MXRA7: variants seen among roughly 807,000 people sequenced by gnomAD.
The protein encoded by MXRA7 is matrix remodeling associated 7, also known as matrix-remodeling-associated protein 7.
A neutral mutation model predicts 17.4 loss-of-function variants in MXRA7; 18 were observed. The ratio of observed to expected loss-of-function variants is 1.03; its 90% CI spans 0.71 to 1.53. The LOEUF (loss-of-function observed/expected upper bound fraction) is 1.53. MXRA7 is among the 40% of genes most tolerant of loss of function. The pLI, the probability that MXRA7 is intolerant of heterozygous loss-of-function variation, is 0.00. For missense variants in MXRA7, 141 were observed against 209.3 expected (o/e 0.67, Z 2.01); for synonymous variants, 70 against 101.7 (o/e 0.69, Z 1.87).
At chr17:76,678,108 C>T (rs754712303), downstream of MXRA7, among the ~76,000 whole-genome samples, 4 of 151,988 alleles carry the variant, frequency 2.6e-5, no homozygotes, top group African/African-American at 4.8e-5. Flanking sequence ...AAACAGCCTT[C>T]GTTGAGAGGA....
At chr17:76,705,432 A>C (rs1440876506) in intron 1 of MXRA7, among the ~76,000 whole-genome samples, 1 of 152,154 alleles carries the variant, frequency 6.6e-6, no homozygotes, top group East Asian at 1.9e-4. Context: ...TTTCATACTA[A>C]TTTGCTAATG....
chr17:76,685,125 C>T lies in MXRA7; in HGVS notation c.447G>A (p.Arg149=). ...TCATCATCTTCTTGTACTGGTTTCC[C>T]CTCAGCTTCCCGGGGCTGTATTTGA... is the stretch of plus-strand genomic sequence containing the variant. ...FSFKYSPGKL[R]GNQYKKMMTK... The change falls in exon 3 of 4, where the codon AGG becomes AGA. Residue 149 remains arginine, a synonymous_variant. Transcript: ENST00000449428. 6.2e-7 allele frequency: 1 copy of T among 1,614,054 alleles called. No individual in the cohort carries two copies. Among genetic ancestry groups the T allele is most frequent in the Non-Finnish European group, 8.5e-7 (1 of 1,179,996 alleles).
At chr17:76,677,577 G>T (rs376761674), downstream of MXRA7, 1 of 1,594,488 alleles carries the variant, frequency 6.3e-7, no homozygotes, top group Non-Finnish European at 8.6e-7. Context: ...TGTGCATCCC[G>T]TGGGCGCAGT....
At chr17:76,695,464 A>G (rs999627065) in intron 1 of MXRA7, among the ~76,000 whole-genome samples, 1 of 152,052 alleles carries the variant, frequency 6.6e-6, no homozygotes, top group African/African-American at 2.4e-5. Flanking sequence ...GAGAGCTGGC[A>G]CTAAGGATTT....
chr17:76,674,936 G>A (rs1390871150), downstream of MXRA7: 2 of 152,224 alleles, frequency 1.3e-5, no homozygotes, highest in Non-Finnish European at 2.9e-5. Flanking sequence ...CCACCATGAG[G>A]AGAGCTAGTC....
At chr17:76,673,993 G>A (rs1235335918) in exon 4 of MXRA7, 1 of 152,322 alleles carries the variant, frequency 6.6e-6, no homozygotes, top group African/African-American at 2.4e-5. Flanking sequence ...TGCTATTTGT[G>A]TCATGTAGGC....
intron 2 of MXRA7, among the ~76,000 whole-genome samples, chr17:76,687,044 G>C (rs932440943): frequency 1.3e-5 from 2 of 152,224 alleles, no homozygotes; most frequent in African/African-American, 4.8e-5. Context: ...TCCCTCCCGT[G>C]TCCCCAAGTC....
chr17:76,684,086 C>T (rs113035134), intron 3 of MXRA7, among the ~76,000 whole-genome samples: 5 of 151,286 alleles, frequency 3.3e-5, no homozygotes, highest in African/African-American at 7.3e-5. Flanking sequence ...GGGTCGAGAG[C>T]GCTGATGCCA....
At chr17:76,677,507 A>G, downstream of MXRA7, 6 of 949,322 alleles carry the variant, frequency 6.3e-6, no homozygotes, top group Non-Finnish European at 1.0e-5. Flanking sequence ...TTAGGCCTAC[A>G]GAAGTCTGGA....
chr17:76,686,827 G>A (rs141218372), intron 2 of MXRA7, among the ~76,000 whole-genome samples: 2,071 of 152,212 alleles, frequency 0.014, 35 homozygotes, highest in Non-Finnish European at 0.013. Flanking sequence ...TCTTCCAACA[G>A]CTGGAGCCAT....
intron 1 of MXRA7, among the ~76,000 whole-genome samples, chr17:76,700,524 A>C (rs2076578475): frequency 6.6e-6 from 1 of 152,278 alleles, no homozygotes; most frequent in African/African-American, 2.4e-5. Context: ...GACAGAAACA[A>C]GATACCTTCC....
intron 1 of MXRA7, among the ~76,000 whole-genome samples, chr17:76,707,891 C>T (rs994422328): frequency 1.3e-5 from 2 of 152,310 alleles, no homozygotes; most frequent in East Asian, 1.9e-4. Flanking sequence ...TGATTCTTTG[C>T]GTGAACAGGC....
chr17:76,701,749 C>T (rs746238443), intron 1 of MXRA7, among the ~76,000 whole-genome samples: 4 of 152,132 alleles, frequency 2.6e-5, no homozygotes, highest in Admixed American at 6.5e-5. Flanking sequence ...CGGGCCCCAA[C>T]CCCTGCCCAG....
At chr17:76,691,477 G>C (rs2076477823) in intron 1 of MXRA7, among the ~76,000 whole-genome samples, 1 of 152,250 alleles carries the variant, frequency 6.6e-6, no homozygotes, top group Non-Finnish European at 1.5e-5. Flanking sequence ...GGACCAAAGT[G>C]TGGGGAACGA....
At chr17:76,709,335 C>T (rs1164882688) in intron 1 of MXRA7, among the ~76,000 whole-genome samples, 2 of 152,196 alleles carry the variant, frequency 1.3e-5, no homozygotes, top group Non-Finnish European at 2.9e-5. Flanking sequence ...GCCCCCTCCA[C>T]CATCACCGCG....
chr17:76,686,237 G>T (rs1326170619), intron 2 of MXRA7, among the ~76,000 whole-genome samples: 42 of 152,224 alleles, frequency 2.8e-4, no homozygotes, highest in African/African-American at 9.9e-4. Context: ...CCAGCACCTT[G>T]GGAGGCCAAG....
rs917484759 is a variant in MXRA7 at position 76,680,330 on chromosome 17, G to A, written c.*537C>T. On this transcript the variant is annotated 3_prime_UTR_variant, in exon 4 of 4. Coordinates refer to ENST00000449428, the MANE Select transcript of MXRA7 (RefSeq NM_198530.4). ...GTAATCAATATGGCATCTCACCCCC[G>A]ACAACCAAGCCAGCCACAGAGAGAA... is the stretch of plus-strand genomic sequence containing the variant. The A allele has an allele frequency of 3.8e-5, 37 of 985,266 alleles. No homozygotes were observed. The African/African-American group carries it at 5.8e-4, about 15-fold the overall frequency. 61.0% of individuals were successfully genotyped at this position (985,266 alleles called of 1,614,324 possible). A position where few individuals can be genotyped will look rare whatever the true frequency, so the allele number is the denominator to read the frequency against.
chr17:76,673,578 T>C (rs564241700), exon 4 of MXRA7: 2 of 152,316 alleles, frequency 1.3e-5, no homozygotes, highest in East Asian at 1.9e-4. Flanking sequence ...AGCTGCCCAG[T>C]AGATCAACTT....
In MXRA7 at chr17:76,688,052, C is replaced by A. The variant is rs540088606; in HGVS notation, c.406+61G>T. ...GAACCCCAGCTCCTGTGATCCCCAGCAGGACACAGACCACCCCCGACACTG... is the reference window on the plus strand; with the variant it reads ...GAACCCCAGCTCCTGTGATCCCCAGAAGGACACAGACCACCCCCGACACTG... On this transcript the variant is annotated intron_variant, in intron 2 of 3. Transcript: ENST00000449428. The A allele has an allele frequency of 3.9e-6, 6 of 1,552,246 alleles. No homozygotes were observed. In the Admixed American group the frequency reaches 5.1e-5, roughly 13 times the overall value.
Sources: allele counts gnomAD v4.1 joint callset (sites outside exome capture counted in the v4.1 genomes callset), GRCh38; gene constraint gnomAD v4.1.1; transcripts MANE v1.5; gene names NCBI Gene and HGNC (gene_info 2026-07-23, HGNC 2026-07-21).